MTHFD1L: variants seen among roughly 807,000 people sequenced by gnomAD.
MTHFD1L encodes monofunctional C1-tetrahydrofolate synthase, mitochondrial.
MTHFD1L carries 81 observed loss-of-function variants against 119.5 expected under a neutral mutation model. The observed-to-expected ratio is 0.68, with a 90% confidence interval of 0.57 to 0.82. The LOEUF is 0.82. Among genes scored for constraint, MTHFD1L ranks in the 40% least tolerant of loss-of-function variants. The pLI, the probability that MTHFD1L is intolerant of heterozygous loss-of-function variation, is 0.00. For missense variants in MTHFD1L, 1,125 were observed against 1,253.4 expected (o/e 0.90, Z 1.55); for synonymous variants, 430 against 475.2 (o/e 0.90, Z 1.24).
chr6:150,968,847 T>C (rs1040493656), intron 19 of MTHFD1L, among the ~76,000 whole-genome samples: 1 of 71,962 alleles, frequency 1.4e-5, no homozygotes, highest in African/African-American at 5.6e-5. Context: ...TAAATAATTC[T>C]TTTTTTTTTT....
intron 20 of MTHFD1L, among the ~76,000 whole-genome samples, chr6:151,001,339 A>G (rs1391784521): frequency 6.6e-6 from 1 of 152,258 alleles, no homozygotes; most frequent in Non-Finnish European, 1.5e-5. Flanking sequence ...TGGTGGCAAC[A>G]TCCAGGTATT....
chr6:150,934,416 C>G (rs2105286), intron 11 of MTHFD1L, among the ~76,000 whole-genome samples: 33,849 of 152,112 alleles, frequency 0.22, 4,036 homozygotes, highest in African/African-American at 0.26. Context: ...TTCAGTCTGA[C>G]TGCCCTATTT....
chr6:151,004,550 G>A lies in MTHFD1L; in HGVS notation c.2126-5269G>A, dbSNP rs149106427. On this transcript the variant is annotated intron_variant, in intron 20 of 27. Transcript: ENST00000367321. ...TAATTTTTACAACACAACTCTGGCC[G>A]CACCCGTGGATGATCATGGAAAGGC... is the stretch of plus-strand genomic sequence containing the variant. Among the ~76,000 whole-genome samples the A allele has an allele frequency of 4.6e-3, 700 of 152,230 alleles. 8 individuals carry two copies. Among genetic ancestry groups the A allele is most frequent in the African/African-American group, 0.016 (652 of 41,556 alleles).
intron 8 of MTHFD1L, among the ~76,000 whole-genome samples, chr6:150,911,148 A>G (rs1204966309): frequency 2.0e-5 from 3 of 152,104 alleles, no homozygotes; most frequent in African/African-American, 7.2e-5. Context: ...TGTATTTAAT[A>G]TTTTGCTTTT....
chr6:150,982,518 T>C (rs6926860), intron 20 of MTHFD1L, among the ~76,000 whole-genome samples: 12,909 of 152,180 alleles, frequency 0.085, 1,834 homozygotes, highest in African/African-American at 0.29. Context: ...TCCATGTCTC[T>C]GAGATTTAGT....
chr6:151,024,771 G>A (rs1784401849), intron 24 of MTHFD1L, among the ~76,000 whole-genome samples: 3 of 152,170 alleles, frequency 2.0e-5, no homozygotes, highest in Admixed American at 2.0e-4. Context: ...GGAGGTTGCG[G>A]TGAGCCAAGA....
At position 150,957,619 on chromosome 6, in the gene MTHFD1L, A is replaced by G. The variant is rs1191481264; in HGVS notation, c.1803+1548A>G. Among the ~76,000 whole-genome samples, 17 of 152,322 alleles carry G rather than the reference A, an allele frequency of 1.1e-4. No homozygotes were observed. The East Asian group carries it at 3.3e-3, about 29-fold the overall frequency. On this transcript the variant is annotated intron_variant, in intron 17 of 27. Coordinates refer to ENST00000367321, the MANE Select transcript of MTHFD1L (RefSeq NM_015440.5). ...AAATTGGAAACAATCCAAATGTCCA[A>G]CAGTAGAGATGGTTGCATATATTTG... is the stretch of plus-strand genomic sequence containing the variant.
chr6:150,875,842 T>C (rs1780352160), intron 1 of MTHFD1L, among the ~76,000 whole-genome samples: 1 of 152,152 alleles, frequency 6.6e-6, no homozygotes, highest in African/African-American at 2.4e-5. Flanking sequence ...CCTAGAAAAT[T>C]ATTGTAAACA....
At chr6:150,988,825 C>T (rs563069911) in intron 20 of MTHFD1L, among the ~76,000 whole-genome samples, 137 of 152,270 alleles carry the variant, frequency 9.0e-4, no homozygotes, top group African/African-American at 3.2e-3. Flanking sequence ...AGGCTGGTCT[C>T]GAACTCCTGA....
intron 12 of MTHFD1L, among the ~76,000 whole-genome samples, chr6:150,937,559 T>A (rs6911126): frequency 0.21 from 32,098 of 152,250 alleles, 3,650 homozygotes; most frequent in African/African-American, 0.25. Context: ...ATATTGCATT[T>A]GTATTACTGT....
chr6:151,028,800 G>A (rs1425805437), intron 24 of MTHFD1L, among the ~76,000 whole-genome samples: 1 of 152,196 alleles, frequency 6.6e-6, no homozygotes, highest in Non-Finnish European at 1.5e-5. Flanking sequence ...ATTAGGCCAG[G>A]CATGGTAGCT....
chr6:150,880,452 G>A (rs1436295454), intron 4 of MTHFD1L, among the ~76,000 whole-genome samples: 1 of 152,158 alleles, frequency 6.6e-6, no homozygotes, highest in Non-Finnish European at 1.5e-5. Flanking sequence ...CCTTTTTATG[G>A]TTGAATGATA....
chr6:151,009,732 C>G (rs993109583), intron 20 of MTHFD1L, 87 bp from the exon 21 acceptor site: 167 of 1,439,864 alleles, frequency 1.2e-4, no homozygotes, highest in Non-Finnish European at 1.5e-4. Flanking sequence ...GTAAGCTGTC[C>G]TTTGAGCTCG....
Position 150,866,060 on chromosome 6 carries a change from G to T in MTHFD1L, c.227+11G>T. The T allele has an allele frequency of 6.8e-7, 1 of 1,477,374 alleles. No individual in the cohort carries two copies. Among genetic ancestry groups the T allele is most frequent in the South Asian group, 1.3e-5 (1 of 78,594 alleles). 91.5% of individuals were successfully genotyped at this position (1,477,374 alleles called of 1,614,324 possible). On this transcript the variant is annotated intron_variant, in intron 1 of 27. Coordinates refer to ENST00000367321, the MANE Select transcript of MTHFD1L (RefSeq NM_015440.5). ...GGACTCCATCGTCAGGTGAGTGTCG[G>T]GTCTGGCCCTGGCCCAGGTCTCCAG...
At chr6:150,969,607 A>C (rs1360898871) in intron 19 of MTHFD1L, among the ~76,000 whole-genome samples, 1 of 152,178 alleles carries the variant, frequency 6.6e-6, no homozygotes, top group Non-Finnish European at 1.5e-5. Flanking sequence ...TTACAAGGAC[A>C]CAAGAACTCC....
Position 150,918,611 on chromosome 6 carries a change from T to G in MTHFD1L, c.927T>G (p.Phe309Leu), listed in dbSNP as rs770360207. ...KVGCGSPRIH[F>L]GGLIEEDDVI... The stretch of plus-strand genomic sequence containing the variant: ...GGTGTGGCTCTCCAAGAATACATTT[T>G]GGTGGACTCATTGAGGAAGATGATG... The change falls in exon 9 of 28, where the codon TTT becomes TTG. Residue 309 changes from phenylalanine (F) to leucine (L), a missense_variant. Phe to Leu is a conservative substitution (Grantham distance 22). Coordinates refer to ENST00000367321, the MANE Select transcript of MTHFD1L (RefSeq NM_015440.5). The G allele has an allele frequency of 6.2e-7, 1 of 1,614,222 alleles. No homozygotes were observed. The highest frequency in any genetic ancestry group is 1.7e-5 in the Admixed American group (1 of 60,030).
chr6:151,095,362 C>T (rs1165051919), intron 27 of MTHFD1L, among the ~76,000 whole-genome samples: 1 of 152,106 alleles, frequency 6.6e-6, no homozygotes, highest in Non-Finnish European at 1.5e-5. Flanking sequence ...TGTCAGGAAC[C>T]CATTATGTTA....
rs567015939 is a variant in MTHFD1L, at chr6:150,866,862, G to A, written c.227+813G>A. ...TCGCCCAGAGGGGCGCACGGGTCTC[G>A]GGCCTTGCAGGGCGAGCCCTTCGGG... On this transcript the variant is annotated intron_variant, in intron 1 of 27. Coordinates refer to ENST00000367321, the MANE Select transcript of MTHFD1L (RefSeq NM_015440.5). Among the ~76,000 whole-genome samples, 135 of 152,286 alleles carry A rather than the reference G, an allele frequency of 8.9e-4. 1 individual carries two copies. Among genetic ancestry groups the A allele is most frequent in the African/African-American group, 3.0e-3 (123 of 41,566 alleles).
Position 150,938,717 on chromosome 6 carries a change from G to T in MTHFD1L, c.1412G>T (p.Gly471Val). 9 of 1,610,802 alleles carry T rather than the reference G, an allele frequency of 5.6e-6. No homozygotes were observed. The highest frequency in any genetic ancestry group is 7.6e-6 in the Non-Finnish European group (9 of 1,178,802). The change falls in exon 13 of 28, where the codon GGA (glycine) becomes GTA (valine). Residue 471 changes from glycine (G) to valine (V), a missense_variant. Gly to Val is a moderately radical substitution (Grantham distance 109). Transcript: ENST00000367321. Reference sequence around the variant, plus strand: ...TGTTTAGGAGGAGCCGCGGGTGGTGGATATGCCCAGGTCATCCCCATGGAG... The same window carrying T: ...TGTTTAGGAGGAGCCGCGGGTGGTGTATATGCCCAGGTCATCCCCATGGAG... ...FGVKGGAAGGGYAQVIPMEEF... is the reference protein window; with the variant it reads ...FGVKGGAAGGVYAQVIPMEEF...
Sources: gnomAD v4.1 joint callset for allele counts (sites outside exome capture counted in the v4.1 genomes callset) on GRCh38, gnomAD v4.1.1 for gene constraint, MANE v1.5 for transcripts, NCBI Gene and HGNC (gene_info 2026-07-23, HGNC 2026-07-21) for gene names.